STAU2: variants seen among roughly 807,000 people sequenced by gnomAD.
The protein encoded by STAU2 is double-stranded RNA-binding protein Staufen homolog 2.
A neutral mutation model predicts 65.9 loss-of-function variants in STAU2; 20 were observed. The observed-to-expected ratio is 0.30, with a 90% CI of 0.21 to 0.44. The LOEUF (loss-of-function observed/expected upper bound fraction) is 0.44. Ranked by LOEUF, STAU2 falls within the 20% of genes least tolerant of loss-of-function variation. The pLI is 1.00. For synonymous variants in STAU2, 232 were observed against 233.9 expected (o/e 0.99, Z 0.07); for missense variants, 558 against 683.9 (o/e 0.82, Z 2.05).
At chr8:73,689,051 A>G (rs1819142262) in intron 4 of STAU2, among the ~76,000 whole-genome samples, 1 of 152,250 alleles carries the variant, frequency 6.6e-6, no homozygotes, top group Non-Finnish European at 1.5e-5. Flanking sequence ...CATTCTGGGT[A>G]GAATAAATCA....
chr8:73,628,433 C>T (rs531611884), intron 6 of STAU2, among the ~76,000 whole-genome samples: 5 of 152,282 alleles, frequency 3.3e-5, no homozygotes, highest in Non-Finnish European at 5.9e-5. Context: ...ATAGCAGAAT[C>T]TTACGTACTA....
intron 6 of STAU2, among the ~76,000 whole-genome samples, chr8:73,630,779 C>G (rs1586157094): frequency 6.6e-6 from 1 of 152,110 alleles, no homozygotes; most frequent in East Asian, 1.9e-4. Flanking sequence ...CATAGTAGCC[C>G]CAGGAAATCA....
intron 10 of STAU2, among the ~76,000 whole-genome samples, chr8:73,598,384 T>C (rs533795950): frequency 2.2e-4 from 34 of 152,182 alleles, no homozygotes; most frequent in African/African-American, 7.2e-4. Context: ...CCCGCCACCA[T>C]GCCCGGCTAA....
intron 10 of STAU2, among the ~76,000 whole-genome samples, chr8:73,598,946 T>C (rs1381285247): frequency 3.9e-5 from 6 of 152,034 alleles, no homozygotes; most frequent in Non-Finnish European, 1.5e-5. Context: ...ATCTTCTACA[T>C]AGAAAACAAA....
chr8:73,731,010 C>G (rs558451224), intron 3 of STAU2, among the ~76,000 whole-genome samples: 30 of 152,254 alleles, frequency 2.0e-4, no homozygotes, highest in Admixed American at 1.2e-3. Context: ...TCATTTGGAG[C>G]CTTCTGAGGA....
intron 1 of STAU2, among the ~76,000 whole-genome samples, chr8:73,743,221 GAA>G (rs74275001): frequency 7.2e-6 from 1 of 139,784 alleles, no homozygotes; most frequent in Non-Finnish European, 1.6e-5. Context: ...ACACAGGCCA[GAA>G]AAAAAAAAAA....
chr8:73,605,691 G>T (rs1183728392), intron 9 of STAU2, among the ~76,000 whole-genome samples: 1 of 150,712 alleles, frequency 6.6e-6, no homozygotes, highest in Non-Finnish European at 1.5e-5. Flanking sequence ...CCAAAATTTT[G>T]GGGGAAAAAA....
chr8:73,433,128 C>T (rs67206079), intron 13 of STAU2, among the ~76,000 whole-genome samples: 1 of 152,028 alleles, frequency 6.6e-6, no homozygotes, highest in South Asian at 2.1e-4. Flanking sequence ...AGTGCAGAGT[C>T]CTCGCTACTA....
At chr8:73,464,464 A>C (rs1486258886) in intron 13 of STAU2, among the ~76,000 whole-genome samples, 1 of 152,226 alleles carries the variant, frequency 6.6e-6, no homozygotes, top group African/African-American at 2.4e-5. Flanking sequence ...ATATTCTTTG[A>C]AACCAGTAAC....
At chr8:73,693,146 G>T (rs1819460350) in intron 4 of STAU2, among the ~76,000 whole-genome samples, 1 of 151,750 alleles carries the variant, frequency 6.6e-6, no homozygotes, top group Non-Finnish European at 1.5e-5. Flanking sequence ...AGGCAACACA[G>T]CAAGACCCTA....
intron 9 of STAU2, among the ~76,000 whole-genome samples, chr8:73,613,475 G>C (rs1243604808): frequency 6.6e-6 from 1 of 152,132 alleles, no homozygotes. Context: ...TATAGTAAAG[G>C]TGACATGAAT....
intron 6 of STAU2, among the ~76,000 whole-genome samples, chr8:73,633,533 G>C (rs1165876488): frequency 6.6e-6 from 1 of 152,156 alleles, no homozygotes; most frequent in Non-Finnish European, 1.5e-5. Flanking sequence ...TGTACTTTGT[G>C]ACTATAGACT....
In STAU2 at chr8:73,578,603, T is replaced by C. The variant is rs559496814; in HGVS notation, c.1222+4167A>G. ...AGCAATGAGAATATGTATGTTCCCA[T>C]TGCTCCCAATTGCTTCAGATAGCCC... On this transcript the variant is annotated intron_variant, in intron 12 of 14. Coordinates refer to ENST00000524300, the MANE Select transcript of STAU2 (RefSeq NM_001164380.2). 9.2e-5 allele frequency among the ~76,000 whole-genome samples: 14 copies of C among 152,312 alleles called. No homozygotes were observed. The East Asian group carries it at 1.4e-3, about 15-fold the overall frequency.
intron 6 of STAU2, among the ~76,000 whole-genome samples, chr8:73,657,544 AAATG>A (rs1245886325): frequency 3.3e-5 from 5 of 152,224 alleles, no homozygotes; most frequent in African/African-American, 7.2e-5. Context: ...AAACGTATTC[AAATG>A]AATGAATTAA....
At chr8:73,713,082 C>T (rs914949837) in intron 3 of STAU2, among the ~76,000 whole-genome samples, 2 of 152,198 alleles carry the variant, frequency 1.3e-5, no homozygotes, top group African/African-American at 2.4e-5. Context: ...TAAAGGTTTA[C>T]ATGTGCTAGG....
rs534427117 is a variant in STAU2, at chr8:73,649,676, T to C, written c.410+23431A>G. On this transcript the variant is annotated intron_variant, in intron 6 of 14. Coordinates refer to ENST00000524300, the MANE Select transcript of STAU2 (RefSeq NM_001164380.2). Reference sequence around the variant, plus strand: ...AGCTTCTTTCTCTTACTTATAAAAGTCATATTAAAATGTACTATGATGGAC... The same window carrying C: ...AGCTTCTTTCTCTTACTTATAAAAGCCATATTAAAATGTACTATGATGGAC... Among the ~76,000 whole-genome samples, 47 of 151,802 alleles carry C rather than the reference T, an allele frequency of 3.1e-4. No individual in the cohort carries two copies. The South Asian group carries it at 9.2e-3, about 30-fold the overall frequency.
At chr8:73,532,686 A>G (rs1585947414) in intron 13 of STAU2, among the ~76,000 whole-genome samples, 1 of 152,176 alleles carries the variant, frequency 6.6e-6, no homozygotes, top group African/African-American at 2.4e-5. Context: ...GAAAAGAGAC[A>G]TTTACCATCT....
At chr8:73,557,631 A>G (rs1266591490) in intron 12 of STAU2, among the ~76,000 whole-genome samples, 1 of 152,206 alleles carries the variant, frequency 6.6e-6, no homozygotes, top group Non-Finnish European at 1.5e-5. Context: ...CCACTCTACA[A>G]TAATTCATTG....
intron 13 of STAU2, among the ~76,000 whole-genome samples, chr8:73,533,840 A>T (rs577462869): frequency 2.6e-5 from 4 of 152,178 alleles, no homozygotes; most frequent in African/African-American, 9.7e-5. Flanking sequence ...TAAAAATTTA[A>T]ATTTCCTACC....
Sources: gnomAD v4.1 joint callset for allele counts (sites outside exome capture counted in the v4.1 genomes callset) on GRCh38, gnomAD v4.1.1 for gene constraint, MANE v1.5 for transcripts, NCBI Gene and HGNC (gene_info 2026-07-23, HGNC 2026-07-21) for gene names.